The following SCN11A variants were observed in gnomAD, a reference collection of about 807,000 sequenced individuals.
SCN11A encodes sodium voltage-gated channel alpha subunit 11.
SCN11A carries 122 observed loss-of-function variants against 162.2 expected under a neutral mutation model. That is an observed-to-expected ratio of 0.75 (90% confidence interval 0.65 to 0.87). The LOEUF (loss-of-function observed/expected upper bound fraction) is 0.87, where lower values mean the gene tolerates loss of function less well. SCN11A is among the 40% of genes least tolerant of loss of function. The pLI is 0.00. For synonymous variants in SCN11A, 758 were observed against 751.5 expected (o/e 1.01, Z -0.14); for missense variants, 2,015 against 2,181.6 (o/e 0.92, Z 1.52).
chr3:38,880,143 C>A lies in SCN11A; in HGVS notation c.3220-20G>T. 6.3e-7 allele frequency: 1 copy of A among 1,579,364 alleles called. No homozygotes were observed. The highest frequency in any genetic ancestry group is 8.6e-7 in the Non-Finnish European group (1 of 1,160,874). On this transcript the variant is annotated intron_variant, in intron 22 of 29. Coordinates refer to ENST00000302328, the MANE Select transcript of SCN11A (RefSeq NM_001349253.2). ...AAATATCTGAAATGAAAAAGCATAG[C>A]CATAGGCCAGGTTGAATATTTGCAA...
intron 1 of SCN11A, among the ~76,000 whole-genome samples, chr3:39,047,043 C>G (rs1407432494): frequency 5.6e-4 from 36 of 63,952 alleles, no homozygotes; most frequent in East Asian, 1.7e-3. Flanking sequence ...CCCCCACCCC[C>G]ATCCCCCCAC....
At chr3:39,033,731 T>A (rs188925210) in intron 1 of SCN11A, among the ~76,000 whole-genome samples, 12 of 152,158 alleles carry the variant, frequency 7.9e-5, no homozygotes, top group Admixed American at 4.6e-4. Context: ...GGGTTCCACA[T>A]CTGTGGATTC....
At chr3:38,962,997 T>A (rs1429598552) in intron 2 of SCN11A, among the ~76,000 whole-genome samples, 1 of 151,684 alleles carries the variant, frequency 6.6e-6, no homozygotes, top group East Asian at 1.9e-4. Flanking sequence ...AACTACAATG[T>A]GATACAACCT....
chr3:38,938,919 G>A (rs1466046776), intron 7 of SCN11A, among the ~76,000 whole-genome samples: 1 of 152,020 alleles, frequency 6.6e-6, no homozygotes, highest in Non-Finnish European at 1.5e-5. Flanking sequence ...GCTCATGCCT[G>A]TAATCTCAGC....
At chr3:38,907,342 G>GTGTGTGTGTGTA (rs1259248976) in intron 14 of SCN11A, among the ~76,000 whole-genome samples, 5 of 31,760 alleles carry the variant, frequency 1.6e-4, no homozygotes, top group East Asian at 4.7e-3. Context: ...GTGTGTGTGT[G>GTGTGTGTGTGTA]TATATATCTA....
intron 2 of SCN11A, among the ~76,000 whole-genome samples, chr3:39,002,818 C>T (rs986300412): frequency 1.3e-5 from 2 of 152,180 alleles, no homozygotes; most frequent in Admixed American, 6.5e-5. Context: ...AACATACTTG[C>T]GTTAGCCTGC....
intron 2 of SCN11A, among the ~76,000 whole-genome samples, chr3:38,984,646 G>A (rs2030169288): frequency 6.6e-6 from 1 of 152,120 alleles, no homozygotes; most frequent in East Asian, 1.9e-4. Context: ...AAGTAGCTGG[G>A]ATTACAGGTA....
At chr3:38,946,638 T>C (rs2066520650) in intron 6 of SCN11A, 151 bp downstream of exon 6, 1 of 653,348 alleles carries the variant, frequency 1.5e-6, no homozygotes, top group African/African-American at 1.8e-5. Context: ...CTTGCTCACA[T>C]CCAGCACAGT....
At chr3:38,939,444 A>C (rs1384970765) in intron 7 of SCN11A, among the ~76,000 whole-genome samples, 2 of 152,214 alleles carry the variant, frequency 1.3e-5, no homozygotes, top group Non-Finnish European at 2.9e-5. Flanking sequence ...GAAATTTTAA[A>C]ACTGAAAAAG....
chr3:38,965,643 C>T (rs1215006988), intron 2 of SCN11A, among the ~76,000 whole-genome samples: 2 of 152,240 alleles, frequency 1.3e-5, no homozygotes, highest in African/African-American at 4.8e-5. Context: ...TCTTGCCTTT[C>T]TTCTCACGCA....
chr3:39,002,423 A>G (rs1345398140), intron 2 of SCN11A, among the ~76,000 whole-genome samples: 1 of 152,232 alleles, frequency 6.6e-6, no homozygotes. Flanking sequence ...TACAAGCAAA[A>G]GGCCAAAGGC....
intron 11 of SCN11A, among the ~76,000 whole-genome samples, chr3:38,917,302 G>A (rs1035152779): frequency 1.3e-5 from 2 of 152,184 alleles, no homozygotes; most frequent in Non-Finnish European, 2.9e-5. Context: ...GACCTGGCAA[G>A]CCCATTACTG....
intron 21 of SCN11A, 134 bp from the exon 22 acceptor site, chr3:38,883,521 T>C: frequency 2.6e-6 from 2 of 763,194 alleles, no homozygotes; most frequent in South Asian, 1.9e-5. Context: ...AAGTAGAGCA[T>C]CTTTTTCTAA....
intron 28 of SCN11A, among the ~76,000 whole-genome samples, chr3:38,851,067 A>G (rs1017893145): frequency 2.0e-5 from 3 of 152,226 alleles, no homozygotes; most frequent in African/African-American, 7.2e-5. Flanking sequence ...CTTTGCTGAA[A>G]TAAAACAGTG....
At chr3:39,016,258 C>T (rs2031286095) in intron 2 of SCN11A, among the ~76,000 whole-genome samples, 1 of 152,106 alleles carries the variant, frequency 6.6e-6, no homozygotes, top group Non-Finnish European at 1.5e-5. Flanking sequence ...CCATGGGCTG[C>T]CAGGGTAGGG....
Position 38,903,979 on chromosome 3 carries a change from G to A in SCN11A, c.1728C>T (p.Asp576=), listed in dbSNP as rs2126124631. 6.2e-7 allele frequency: 1 copy of A among 1,614,102 alleles called. No homozygotes were observed. Among genetic ancestry groups the A allele is most frequent in the Non-Finnish European group, 8.5e-7 (1 of 1,179,970 alleles). ...TGGTGATGGCCAGCTCAGTAAACGGGTCAGTCATCACAGTTCTCAGGACCT... is the reference window on the plus strand; with the variant it reads ...TGGTGATGGCCAGCTCAGTAAACGGATCAGTCATCACAGTTCTCAGGACCT... ...VKKVLRTVMT[D]PFTELAITIC... Residue 576 remains aspartate (D), a synonymous_variant, in exon 16 of 30, where the codon GAC becomes GAT. Coordinates refer to ENST00000302328, the MANE Select transcript of SCN11A (RefSeq NM_001349253.2).
chr3:38,894,622 A>G lies in SCN11A; in HGVS notation c.2746T>C (p.Leu916=), dbSNP rs2065558023. 1.2e-6 allele frequency: 2 copies of G among 1,614,062 alleles called. No individual in the cohort carries two copies. The highest frequency in any genetic ancestry group is 1.7e-6 in the Non-Finnish European group (2 of 1,180,020). The part of the protein sequence containing the change: ...TLGVRHDWTW[L]APLAEEEDDV... ...TCTTCCTCCTCCGCAAGTGGTGCCAACCAAGTCCAATCATGCCTGACGCCC... is the reference window on the plus strand; with the variant it reads ...TCTTCCTCCTCCGCAAGTGGTGCCAGCCAAGTCCAATCATGCCTGACGCCC... The change falls in exon 19 of 30, where the codon TTG becomes CTG. Residue 916 remains leucine, a synonymous_variant. Transcript: ENST00000302328.
intron 22 of SCN11A, 116 bp from the exon 23 acceptor site, chr3:38,880,239 A>G: frequency 1.5e-6 from 1 of 681,494 alleles, no homozygotes; most frequent in South Asian, 2.0e-5. Flanking sequence ...TCTCTTCGTA[A>G]TGAGGTTCTG....
intron 1 of SCN11A, among the ~76,000 whole-genome samples, chr3:39,040,049 G>A (rs541758481): frequency 1.6e-4 from 24 of 152,312 alleles, no homozygotes; most frequent in African/African-American, 5.5e-4. Flanking sequence ...GTGCCCACCT[G>A]GTGCCCACCA....
Sources: allele counts gnomAD v4.1 joint callset (sites outside exome capture counted in the v4.1 genomes callset), GRCh38; gene constraint gnomAD v4.1.1; transcripts MANE v1.5; gene names NCBI Gene and HGNC (gene_info 2026-07-23, HGNC 2026-07-21).